The following AUTS2 variants were observed in gnomAD, a reference collection of about 807,000 sequenced individuals.
AUTS2 encodes the protein autism susceptibility gene 2 protein.
AUTS2 carries 17 observed loss-of-function variants against 112.4 expected under a neutral mutation model. That is an observed-to-expected ratio of 0.15 (90% CI 0.10 to 0.23). AUTS2 has a LOEUF of 0.23. Among genes scored for constraint, AUTS2 ranks in the 10% least tolerant of loss-of-function variants. The probability of loss-of-function intolerance (pLI) is 1.00; values close to 1 mark genes in which losing one functional copy is unlikely to be tolerated. For synonymous variants in AUTS2, 751 were observed against 702.7 expected (o/e 1.07, Z -1.09); for missense variants, 1,510 against 1,701.6 (o/e 0.89, Z 1.98).
At chr7:70,693,557 C>T (rs917096631) in intron 5 of AUTS2, among the ~76,000 whole-genome samples, 1 of 152,194 alleles carries the variant, frequency 6.6e-6, no homozygotes, top group Admixed American at 6.5e-5. Flanking sequence ...TAGGTGAAGA[C>T]CTTTGTGTCT....
intron 4 of AUTS2, among the ~76,000 whole-genome samples, chr7:70,422,439 A>G (rs1268397344): frequency 6.6e-6 from 1 of 152,136 alleles, no homozygotes; most frequent in African/African-American, 2.4e-5. Context: ...GATTTCTTCA[A>G]GTGCATGCTG....
chr7:69,721,212 C>T (rs1421186615), intron 1 of AUTS2, among the ~76,000 whole-genome samples: 3 of 152,194 alleles, frequency 2.0e-5, no homozygotes, highest in Admixed American at 6.5e-5. Flanking sequence ...CTGATCTGCT[C>T]AAGTACTGCA....
Position 70,764,946 on chromosome 7 carries a change from C to A in AUTS2, c.1409C>A (p.Pro470Gln). 1 of 1,613,432 alleles carries A rather than the reference C, an allele frequency of 6.2e-7. No homozygotes were observed. Among genetic ancestry groups the A allele is most frequent in the Non-Finnish European group, 8.5e-7 (1 of 1,179,900 alleles). ...CCTCCCACTGCTCTGCCTCCTCCAC[C>A]ACCACTGACATCAGGAAGTCTGCAG... ...FAPPTALPPP[P>Q]PLTSGSLQVA... Residue 470 changes from proline to glutamine, a missense_variant, in exon 8 of 19, where the codon CCA becomes CAA. Around this residue, in one of 3 missense-constraint regions of AUTS2, gnomAD observed 535 missense variants for 594.3 expected, o/e 0.90. Coordinates refer to ENST00000342771, the MANE Select transcript of AUTS2 (RefSeq NM_015570.4).
chr7:70,358,982 G>C (rs896000998), intron 4 of AUTS2, among the ~76,000 whole-genome samples: 1 of 152,198 alleles, frequency 6.6e-6, no homozygotes, highest in Admixed American at 6.5e-5. Flanking sequence ...AGTCAGCTGG[G>C]GTCTTGTGCA....
chr7:70,397,391 C>T (rs1002463488), intron 4 of AUTS2, among the ~76,000 whole-genome samples: 4 of 151,924 alleles, frequency 2.6e-5, no homozygotes, highest in Non-Finnish European at 5.9e-5. Flanking sequence ...AATACACATG[C>T]ACTAGTGTCT....
chr7:70,530,729 G>C (rs1436564506), intron 5 of AUTS2, among the ~76,000 whole-genome samples: 1 of 152,028 alleles, frequency 6.6e-6, no homozygotes, highest in Non-Finnish European at 1.5e-5. Flanking sequence ...AGGGGAGGGG[G>C]GATGTTTCTG....
intron 4 of AUTS2, 133 bp downstream of exon 4, chr7:70,134,704 T>C: frequency 1.2e-6 from 1 of 854,344 alleles, no homozygotes; most frequent in East Asian, 2.4e-5. Context: ...TGATTTCCAT[T>C]CTTTATTAGG....
chr7:69,668,922 G>A lies in AUTS2; in HGVS notation c.309+68960G>A, dbSNP rs574127866. ...CTGATCACATATGTAAAAATCATTT[G>A]TTGGTAGTAGCAATTAACATAAAAG... On this transcript the variant is annotated intron_variant, in intron 1 of 18. Coordinates refer to ENST00000342771, the MANE Select transcript of AUTS2 (RefSeq NM_015570.4). 4.2e-4 allele frequency among the ~76,000 whole-genome samples: 64 copies of A among 152,050 alleles called. 1 individual carries two copies. The highest frequency in any genetic ancestry group is 1.3e-3 in the African/African-American group (56 of 41,490).
At chr7:70,195,223 G>C (rs1018299496) in intron 4 of AUTS2, among the ~76,000 whole-genome samples, 7 of 152,296 alleles carry the variant, frequency 4.6e-5, no homozygotes, top group Middle Eastern at 3.4e-3. Context: ...TTAAGAAAAA[G>C]ATCTGTCACA....
chr7:70,166,002 G>C (rs569847236), intron 4 of AUTS2, among the ~76,000 whole-genome samples: 1 of 152,116 alleles, frequency 6.6e-6, no homozygotes, highest in East Asian at 1.9e-4. Flanking sequence ...AAAAGTGTGT[G>C]ACAATTCCTG....
chr7:70,729,954 C>G (rs1270716428), intron 6 of AUTS2, among the ~76,000 whole-genome samples: 3 of 152,154 alleles, frequency 2.0e-5, no homozygotes, highest in African/African-American at 4.8e-5. Flanking sequence ...GCAATCTCGG[C>G]TCACTGCAAC....
Position 69,774,238 on chromosome 7 carries a change from G to A in AUTS2, c.310-125048G>A, listed in dbSNP as rs910538611. Among the ~76,000 whole-genome samples the A allele has an allele frequency of 4.6e-5, 7 of 152,012 alleles. No individual in the cohort carries two copies. The East Asian group carries it at 5.8e-4, about 13-fold the overall frequency. On this transcript the variant is annotated intron_variant, in intron 1 of 18. Coordinates refer to ENST00000342771, the MANE Select transcript of AUTS2 (RefSeq NM_015570.4). ...ACCAGCCTGGGCAACGTAGACCTCC[G>A]TCTCTTAAAAAAAATTTAGCTGGCG...
intron 15 of AUTS2, 103 bp downstream of exon 15, chr7:70,781,859 C>CA: frequency 1.4e-6 from 2 of 1,454,940 alleles, no homozygotes; most frequent in Non-Finnish European, 1.9e-6. Flanking sequence ...TCACCACCTA[C>CA]AAAAATACAG....
intron 5 of AUTS2, among the ~76,000 whole-genome samples, chr7:70,638,272 G>T (rs576108254): frequency 3.4e-4 from 52 of 152,164 alleles, no homozygotes; most frequent in South Asian, 2.3e-3. Flanking sequence ...GACGAGTCCC[G>T]CCATAAAACC....
chr7:70,696,223 T>G (rs1325293205), intron 5 of AUTS2, among the ~76,000 whole-genome samples: 1 of 152,112 alleles, frequency 6.6e-6, no homozygotes, highest in Non-Finnish European at 1.5e-5. Context: ...CCCTGAAGAT[T>G]TTGGCAAAGA....
At chr7:70,113,902 G>C (rs1020547528) in intron 2 of AUTS2, among the ~76,000 whole-genome samples, 24 of 152,280 alleles carry the variant, frequency 1.6e-4, no homozygotes, top group African/African-American at 5.3e-4. Flanking sequence ...TTCGTTACAT[G>C]TTCATTAGCA....
chr7:70,790,160 G>T lies in AUTS2; in HGVS notation c.2944G>T (p.Val982Leu), dbSNP rs769391491. Residue 982 changes from valine (V) to leucine (L), a missense_variant, in exon 19 of 19, where the codon GTG (valine) becomes TTG (leucine). Val to Leu is a conservative substitution (Grantham distance 32, BLOSUM62 1). Transcript: ENST00000342771. The surrounding 1 kb of genome is among the most constrained non-coding windows in gnomAD (Gnocchi z 7.6). ...CCCCAAGAAGAGCTCCGAGGTCAAG[G>T]TGAAGGAGGAGCGGAAGGAAGACCA... ...ENPKKSSEVKVKEERKEDHDL... is the reference protein window; with the variant it reads ...ENPKKSSEVKLKEERKEDHDL... The T allele has an allele frequency of 6.2e-7, 1 of 1,612,008 alleles. No individual in the cohort carries two copies. The highest frequency in any genetic ancestry group is 8.5e-7 in the Non-Finnish European group (1 of 1,179,614).
chr7:69,728,304 C>T (rs1786615957), intron 1 of AUTS2, among the ~76,000 whole-genome samples: 1 of 152,194 alleles, frequency 6.6e-6, no homozygotes, highest in East Asian at 1.9e-4. Flanking sequence ...CCTAAACCTG[C>T]TGCAGTGCAG....
chr7:70,321,725 C>A (rs1391748493), intron 4 of AUTS2, among the ~76,000 whole-genome samples: 3 of 152,098 alleles, frequency 2.0e-5, no homozygotes, highest in African/African-American at 7.2e-5. Context: ...TGGGACATGT[C>A]TAAAGTGAAA....
Sources: gnomAD v4.1 joint callset for allele counts (sites outside exome capture counted in the v4.1 genomes callset) on GRCh38, gnomAD v4.1.1 for gene constraint, gnomAD v4.1.1 regional missense constraint, Gnocchi (gnomAD v3.1) non-coding constraint, MANE v1.5 for transcripts, NCBI Gene and HGNC (gene_info 2026-07-23, HGNC 2026-07-21) for gene names.